The following GALNT17 variants were observed in gnomAD, a reference collection of about 807,000 sequenced individuals.
The protein encoded by GALNT17 is polypeptide N-acetylgalactosaminyltransferase 17, also known as UDP-GalNAc:polypeptide N-acetylgalactosaminyltransferase-like 3.
Under a neutral mutation model 63.7 loss-of-function variants are expected in GALNT17, and 29 were observed. The observed-to-expected ratio is 0.46, with a 90% CI of 0.34 to 0.62. GALNT17 has a LOEUF of 0.62. Among genes scored for constraint, GALNT17 ranks in the 20% least tolerant of loss-of-function variants. The probability of loss-of-function intolerance (pLI) is 0.01; values close to 1 mark genes in which losing one functional copy is unlikely to be tolerated. For synonymous variants in GALNT17, 305 were observed against 318.3 expected (o/e 0.96, Z 0.45); for missense variants, 603 against 799.6 (o/e 0.75, Z 2.97).
intron 1 of GALNT17, among the ~76,000 whole-genome samples, chr7:71,265,118 A>ATATATATATATTT (rs1390488895): frequency 2.7e-5 from 1 of 37,460 alleles, no homozygotes; most frequent in Non-Finnish European, 6.8e-5. Context: ...ATATATATAT[A>ATATATATATATTT]TTTTTTTTTT....
intron 1 of GALNT17, among the ~76,000 whole-genome samples, chr7:71,147,781 A>G (rs1171692749): frequency 6.6e-6 from 1 of 152,096 alleles, no homozygotes; most frequent in Admixed American, 6.6e-5. Flanking sequence ...ACAAGAGTGC[A>G]CCACCACACC....
intron 5 of GALNT17, among the ~76,000 whole-genome samples, chr7:71,442,126 C>T (rs1302865589): frequency 6.6e-6 from 1 of 152,180 alleles, no homozygotes; most frequent in East Asian, 1.9e-4. Context: ...TCCTATTTCT[C>T]CCCAACCTCA....
chr7:71,201,780 C>T (rs1344819703), intron 1 of GALNT17, among the ~76,000 whole-genome samples: 2 of 152,084 alleles, frequency 1.3e-5, no homozygotes, highest in Middle Eastern at 3.4e-3. Flanking sequence ...TACAGGCACA[C>T]GCCACCACAC....
At chr7:71,428,221 C>A (rs1045383878) in intron 5 of GALNT17, among the ~76,000 whole-genome samples, 1 of 152,158 alleles carries the variant, frequency 6.6e-6, no homozygotes, top group African/African-American at 2.4e-5. Context: ...CAAATAGCGA[C>A]CCAGTGCCCA....
At chr7:71,505,494 C>G (rs542255682) in intron 5 of GALNT17, among the ~76,000 whole-genome samples, 1 of 152,094 alleles carries the variant, frequency 6.6e-6, no homozygotes, top group African/African-American at 2.4e-5. Context: ...CAGCTACTTA[C>G]GAGGCTGAAG....
intron 5 of GALNT17, among the ~76,000 whole-genome samples, chr7:71,494,510 T>G (rs2058731070): frequency 6.6e-6 from 1 of 152,080 alleles, no homozygotes; most frequent in Non-Finnish European, 1.5e-5. Flanking sequence ...CACACCTGGC[T>G]AATTTTTGTA....
intron 1 of GALNT17, among the ~76,000 whole-genome samples, chr7:71,308,597 G>C (rs983565665): frequency 1.3e-5 from 2 of 152,016 alleles, no homozygotes. Flanking sequence ...GAGCCCCTCT[G>C]TATCCCCAGA....
chr7:71,527,144 G>GTAGC (rs1246679050), intron 5 of GALNT17, among the ~76,000 whole-genome samples: 2 of 152,114 alleles, frequency 1.3e-5, no homozygotes, highest in Admixed American at 1.3e-4. Flanking sequence ...GATTGTTGAT[G>GTAGC]TAGCTATTCA....
intron 1 of GALNT17, among the ~76,000 whole-genome samples, chr7:71,188,779 G>A (rs1788898384): frequency 6.6e-6 from 1 of 152,042 alleles, no homozygotes; most frequent in Non-Finnish European, 1.5e-5. Flanking sequence ...TTTGCTTTTG[G>A]GTTCCCAAGT....
chr7:71,187,500 CATT>C (rs1212387701), intron 1 of GALNT17, among the ~76,000 whole-genome samples: 3 of 152,080 alleles, frequency 2.0e-5, no homozygotes, highest in Non-Finnish European at 4.4e-5. Context: ...TTGTTCGTAT[CATT>C]GTTACTTTTG....
chr7:71,395,550 T>G (rs1793123454), intron 3 of GALNT17, among the ~76,000 whole-genome samples: 1 of 152,252 alleles, frequency 6.6e-6, no homozygotes, highest in Non-Finnish European at 1.5e-5. Context: ...CTATGAATAT[T>G]CATGTACACA....
At chr7:71,278,257 A>G (rs1190004272) in intron 1 of GALNT17, among the ~76,000 whole-genome samples, 1 of 152,204 alleles carries the variant, frequency 6.6e-6, no homozygotes, top group African/African-American at 2.4e-5. Flanking sequence ...GACTTGCTCC[A>G]GGTTACCTGC....
chr7:71,517,675 A>C (rs1044499649), intron 5 of GALNT17, among the ~76,000 whole-genome samples: 1 of 152,216 alleles, frequency 6.6e-6, no homozygotes, highest in Admixed American at 6.5e-5. Flanking sequence ...CAAGCATTTA[A>C]TAAAAAATAT....
At chr7:71,137,347 G>A (rs937724763) in intron 1 of GALNT17, among the ~76,000 whole-genome samples, 7 of 150,992 alleles carry the variant, frequency 4.6e-5, no homozygotes, top group South Asian at 2.1e-4. Flanking sequence ...CACCGTGTTC[G>A]CCAGGATGGT....
At chr7:71,169,007 G>A (rs541560015) in intron 1 of GALNT17, among the ~76,000 whole-genome samples, 2 of 152,184 alleles carry the variant, frequency 1.3e-5, no homozygotes, top group Middle Eastern at 3.4e-3. Flanking sequence ...GAGAGTCCAG[G>A]CACTGTCACC....
chr7:71,280,800 A>G (rs1381058797), intron 1 of GALNT17, among the ~76,000 whole-genome samples: 2 of 152,156 alleles, frequency 1.3e-5, no homozygotes, highest in Non-Finnish European at 2.9e-5. Flanking sequence ...TTTGAGGCAC[A>G]TGCCTGTCTG....
At chr7:71,283,203 A>G (rs1790809034) in intron 1 of GALNT17, among the ~76,000 whole-genome samples, 1 of 146,644 alleles carries the variant, frequency 6.8e-6, no homozygotes, top group East Asian at 2.0e-4. Flanking sequence ...CTGGCTAATT[A>G]AAAAAAAAAT....
chr7:71,594,501 G>A lies in GALNT17; in HGVS notation c.1080+23099G>A, dbSNP rs569044352. Reference sequence around the variant, plus strand: ...GATGGGGTTTTGCCCTGTTGCCCAGGCTGGTCTGGAACTCCTGAGCTCAAG... The same window carrying A: ...GATGGGGTTTTGCCCTGTTGCCCAGACTGGTCTGGAACTCCTGAGCTCAAG... On this transcript the variant is annotated intron_variant, in intron 6 of 10. Coordinates refer to ENST00000333538, the MANE Select transcript of GALNT17 (RefSeq NM_022479.3). Among the ~76,000 whole-genome samples the A allele has an allele frequency of 2.0e-5, 3 of 152,194 alleles. No homozygotes were observed. The East Asian group carries it at 5.8e-4, about 30-fold the overall frequency.
chr7:71,432,349 C>T (rs542987626), intron 5 of GALNT17, among the ~76,000 whole-genome samples: 39 of 152,266 alleles, frequency 2.6e-4, no homozygotes, highest in African/African-American at 7.9e-4. Flanking sequence ...CTTGGCATCC[C>T]GGGTTTTTAC....
Sources: allele counts gnomAD v4.1 joint callset (sites outside exome capture counted in the v4.1 genomes callset), GRCh38; gene constraint gnomAD v4.1.1; transcripts MANE v1.5; gene names NCBI Gene and HGNC (gene_info 2026-07-23, HGNC 2026-07-21).